The following PGGHG variants were observed in gnomAD, a reference collection of about 807,000 sequenced individuals.
PGGHG encodes ATH1, acid trehalase-like 1.
Under a neutral mutation model 74.5 loss-of-function variants are expected in PGGHG, and 67 were observed. The observed-to-expected ratio is 0.90, with a 90% confidence interval of 0.74 to 1.10. The LOEUF (loss-of-function observed/expected upper bound fraction) is 1.10. Ranked by LOEUF, PGGHG falls within the 50% of genes least tolerant of loss-of-function variation. The pLI is 0.00. For missense variants in PGGHG, 1,034 were observed against 981.5 expected, an observed-to-expected ratio of 1.05 and a Z score of -0.72; for synonymous variants, 496 against 419.9, an observed-to-expected ratio of 1.18 and a Z score of -2.21.
At chr11:291,176 G>A (rs1358155463) in intron 4 of PGGHG, 63 bp downstream of exon 4, 1 of 1,490,648 alleles carries the variant, frequency 6.7e-7, no homozygotes, top group Non-Finnish European at 9.0e-7. Context: ...CACGGTCTCT[G>A]CCCTCCCTGG....
rs1470638844 is a variant in PGGHG at position 289,698 on chromosome 11, C to A, written c.-13-106C>A. 2.4e-5 allele frequency: 33 copies of A among 1,376,090 alleles called. No individual in the cohort carries two copies. Among genetic ancestry groups the A allele is most frequent in the Non-Finnish European group, 3.1e-5 (32 of 1,042,706 alleles). The allele number at this position is 1,376,090 out of a possible 1,614,324, so 85.2% of individuals were successfully genotyped here. A position where few individuals can be genotyped will look rare whatever the true frequency, so the allele number is the denominator to read the frequency against. On this transcript the variant is annotated intron_variant, in intron 1 of 13. Coordinates refer to ENST00000409548, the MANE Select transcript of PGGHG (RefSeq NM_025092.5). The surrounding 1 kb of genome is among the most constrained non-coding windows in gnomAD (Gnocchi z 5.6). ...GAAAATCGGGGCTGCCCAGCTGGTT[C>A]CGCAACTCCCCCCAGTTCTGAGGGA...
In PGGHG at chr11:294,894, A is replaced by G. The variant is rs535831441; in HGVS notation, c.*145A>G. On this transcript the variant is annotated 3_prime_UTR_variant, in exon 14 of 14. Coordinates refer to ENST00000409548, the MANE Select transcript of PGGHG (RefSeq NM_025092.5). ...GGTCCATGCTGCTTGGCCTGAGTTC[A>G]AGGCTTTCTGCCTGTAGCCTGGACT... 3.9e-6 allele frequency: 4 copies of G among 1,028,678 alleles called. No homozygotes were observed. In the South Asian group the frequency reaches 5.7e-5, roughly 15 times the overall value. The allele number at this position is 1,028,678 out of a possible 1,614,324, so 63.7% of individuals were successfully genotyped here.
rs1173073344 is a variant in PGGHG, at chr11:294,604, C to A, written c.2069C>A (p.Pro690His). The change falls in exon 14 of 14, where the codon CCC becomes CAC. Residue 690 changes from proline to histidine, a missense_variant. Transcript: ENST00000409548. ...TCGGCTGGCCGGATACAAATGTCAC[C>A]CCCGAAGCTGCCTGGAAGTTCCAGC... ...PRSAGRIQMSPPKLPGSSSSE... is the reference protein window; with the variant it reads ...PRSAGRIQMSHPKLPGSSSSE... 1 of 1,481,978 alleles carries A rather than the reference C, an allele frequency of 6.7e-7. No homozygotes were observed. Among genetic ancestry groups the A allele is most frequent in the South Asian group, 1.3e-5 (1 of 79,872 alleles). 91.8% of individuals were successfully genotyped at this position (1,481,978 alleles called of 1,614,324 possible).
chr11:290,059 C>G lies in PGGHG; in HGVS notation c.243C>G (p.Ala81=), dbSNP rs981262238. The part of the protein sequence containing the change: ...GMGEQLTETF[A]LDTNTGSFLH... Reference sequence around the variant, plus strand: ...GGGAGCAGCTGACCGAGACCTTCGCCCTGGACACCAACACAGGTAGCGCCA... The same window carrying G: ...GGGAGCAGCTGACCGAGACCTTCGCGCTGGACACCAACACAGGTAGCGCCA... Residue 81 remains alanine, a synonymous_variant, in exon 2 of 14, where the codon GCC becomes GCG. Transcript: ENST00000409548. 11 of 1,536,060 alleles carry G rather than the reference C, an allele frequency of 7.2e-6. No homozygotes were observed. The African/African-American group carries it at 1.2e-4, about 17-fold the overall frequency.
In PGGHG at chr11:294,299, T is replaced by G; in HGVS notation, c.1841T>G (p.Val614Gly). 2 of 1,611,938 alleles carry G rather than the reference T, an allele frequency of 1.2e-6. No homozygotes were observed. The highest frequency in any genetic ancestry group is 1.7e-4 in the Middle Eastern group (1 of 6,054). ...CGAGCGGGTGTGACCTTTGACCCTGTGTGTCTGTCGGGGATCTCCAGAGTG... is the reference window on the plus strand; with the variant it reads ...CGAGCGGGTGTGACCTTTGACCCTGGGTGTCTGTCGGGGATCTCCAGAGTG... ...VTRAGVTFDPVCLSGISRVSV... is the reference protein window; with the variant it reads ...VTRAGVTFDPGCLSGISRVSV... The change falls in exon 13 of 14, where the codon GTG becomes GGG. Residue 614 changes from valine to glycine, a missense_variant. By Grantham distance (109) the Val-to-Gly change is moderately radical. Transcript: ENST00000409548.
rs750991727 is a variant in PGGHG, at chr11:294,161, C to T, written c.1773C>T (p.Phe591=). 3 of 1,612,770 alleles carry T rather than the reference C, an allele frequency of 1.9e-6. No homozygotes were observed. The highest frequency in any genetic ancestry group is 1.1e-5 in the South Asian group (1 of 90,888). The stretch of plus-strand genomic sequence containing the variant: ...ACTTCCTGACAGGCATGGGGGGCTT[C>T]CTGCAGGCGGTGGTCTTCGGGTGCA... ...AVNFLTGMGG[F]LQAVVFGCTG... is the part of the protein sequence containing the mutation. The change falls in exon 12 of 14, where the codon TTC becomes TTT. Residue 591 remains phenylalanine, a synonymous_variant. Coordinates refer to ENST00000409548, the MANE Select transcript of PGGHG (RefSeq NM_025092.5).
rs972044221 is a variant in PGGHG, at chr11:289,447, C to A, written c.-14+208C>A. ...CCCACCCTCCACACACGCCCGCCCC[C>A]ACGTGCCACCAACAGACGCAGGTCC... On this transcript the variant is annotated intron_variant, in intron 1 of 13. Coordinates refer to ENST00000409548, the MANE Select transcript of PGGHG (RefSeq NM_025092.5). This position sits in a 1 kb window ranked among gnomAD's most constrained non-coding sequence, Gnocchi z 5.6. 1 of 189,456 alleles carries A rather than the reference C, an allele frequency of 5.3e-6. No homozygotes were observed. Among genetic ancestry groups the A allele is most frequent in the African/African-American group, 2.4e-5 (1 of 42,468 alleles). 11.7% of individuals were successfully genotyped at this position (189,456 alleles called of 1,614,324 possible). A position where few individuals can be genotyped will look rare whatever the true frequency, so the allele number is the denominator to read the frequency against.
rs773541695 is a variant in PGGHG, at chr11:292,855, C to T, written c.1159-31C>T. The T allele has an allele frequency of 2.5e-6, 4 of 1,613,356 alleles. No individual in the cohort carries two copies. In the East Asian group the frequency reaches 8.9e-5, roughly 36 times the overall value. Reference sequence around the variant, plus strand: ...CACTAGGAATGAGAGTGACTGGGGCCCTGGCCTCTGTGCCTCCTCCTGCTC... The same window carrying T: ...CACTAGGAATGAGAGTGACTGGGGCTCTGGCCTCTGTGCCTCCTCCTGCTC... On this transcript the variant is annotated intron_variant, in intron 6 of 13. Coordinates refer to ENST00000409548, the MANE Select transcript of PGGHG (RefSeq NM_025092.5).
intron 6 of PGGHG, 82 bp from the exon 7 acceptor site, chr11:292,804 G>A: frequency 6.2e-7 from 1 of 1,609,114 alleles, no homozygotes; most frequent in Non-Finnish European, 8.5e-7. Context: ...CTCAATGCCA[G>A]GCCTTGCTTC....
intron 6 of PGGHG, 102 bp downstream of exon 6, chr11:292,779 G>C (rs913463388): frequency 1.2e-6 from 2 of 1,606,646 alleles, no homozygotes; most frequent in African/African-American, 2.7e-5. Context: ...TGGGAAGCTG[G>C]CTGAGGACAG....
chr11:294,902 C>T lies in PGGHG; in HGVS notation c.*153C>T. On this transcript the variant is annotated 3_prime_UTR_variant, in exon 14 of 14. Coordinates refer to ENST00000409548, the MANE Select transcript of PGGHG (RefSeq NM_025092.5). ...CTGCTTGGCCTGAGTTCAAGGCTTTCTGCCTGTAGCCTGGACTCCCGTGGA... is the reference window on the plus strand; with the variant it reads ...CTGCTTGGCCTGAGTTCAAGGCTTTTTGCCTGTAGCCTGGACTCCCGTGGA... 1 of 959,596 alleles carries T rather than the reference C, an allele frequency of 1.0e-6. No homozygotes were observed. Among genetic ancestry groups the T allele is most frequent in the African/African-American group, 1.7e-5 (1 of 60,282 alleles). 59.4% of individuals were successfully genotyped at this position (959,596 alleles called of 1,614,324 possible). A position where few individuals can be genotyped will look rare whatever the true frequency, so the allele number is the denominator to read the frequency against.
In PGGHG at chr11:293,480, G is replaced by A. The variant is rs367946981; in HGVS notation, c.1458G>A (p.Pro486=). The change falls in exon 9 of 14, where the codon CCG becomes CCA. Residue 486 remains proline, a synonymous_variant. Transcript: ENST00000409548. ...VPFDVEQNFH[P]EFDGYEPGEV... is the part of the protein sequence containing the mutation. The stretch of plus-strand genomic sequence containing the variant: ...TTGACGTGGAGCAGAACTTCCACCC[G>A]GAGTTCGATGGGTATGAGCCTGGTG... 27 of 1,611,336 alleles carry A rather than the reference G, an allele frequency of 1.7e-5. No individual in the cohort carries two copies. Among genetic ancestry groups the A allele is most frequent in the Middle Eastern group, 1.6e-4 (1 of 6,084 alleles).
At chr11:294,044 C>T in intron 11 of PGGHG, 55 bp from the exon 12 acceptor site, 1 of 1,580,670 alleles carries the variant, frequency 6.3e-7, no homozygotes, top group Non-Finnish European at 8.6e-7. Flanking sequence ...GGGACAGCAG[C>T]CCAGAGAGGA....
Position 290,433 on chromosome 11 carries a change from C to G in PGGHG, c.303C>G (p.Ser101=), listed in dbSNP as rs760791222. The G allele has an allele frequency of 1.2e-5, 19 of 1,548,800 alleles. No individual in the cohort carries two copies. The South Asian group carries it at 2.1e-4, about 17-fold the overall frequency. ...HTLEGPRFRA[S]QCIYAHRTLP... ...TGGAGGGCCCCCGCTTCCGGGCCTCCCAGTGCATCTATGCGCATCGCACGC... is the reference window on the plus strand; with the variant it reads ...TGGAGGGCCCCCGCTTCCGGGCCTCGCAGTGCATCTATGCGCATCGCACGC... The change falls in exon 3 of 14, where the codon TCC becomes TCG. Residue 101 remains serine (S), a synonymous_variant. Coordinates refer to ENST00000409548, the MANE Select transcript of PGGHG (RefSeq NM_025092.5).
Position 292,901 on chromosome 11 carries a change from C to G in PGGHG, c.1174C>G (p.Arg392Gly). The change falls in exon 7 of 14, where the codon CGA becomes GGA. Residue 392 changes from arginine (R) to glycine (G), a missense_variant. Transcript: ENST00000409548. ...TGCTCCCCAGGACCTGCAGCTATTT[C>G]GAGAGGCTGGTGGCTGGGACGTGGT... ...YHTTQDLQLF[R>G]EAGGWDVVRA... 1 of 1,614,080 alleles carries G rather than the reference C, an allele frequency of 6.2e-7. No individual in the cohort carries two copies. The highest frequency in any genetic ancestry group is 8.5e-7 in the Non-Finnish European group (1 of 1,179,998).
chr11:293,060 A>C (rs747653005), intron 7 of PGGHG, 63 bp downstream of exon 7: 2 of 1,613,638 alleles, frequency 1.2e-6, no homozygotes, highest in Non-Finnish European at 1.7e-6. Flanking sequence ...TCAGCAGATG[A>C]TTTTCAGACA....
chr11:290,624 G>A, intron 3 of PGGHG, 24 bp downstream of exon 3: 1 of 1,597,584 alleles, frequency 6.3e-7, no homozygotes, highest in South Asian at 1.1e-5. Flanking sequence ...TGGATTTGCA[G>A]CCAGGGAGTC....
Position 295,173 on chromosome 11 carries a change from C to T in PGGHG, c.*424C>T, listed in dbSNP as rs894873311. On this transcript the variant is annotated 3_prime_UTR_variant, in exon 14 of 14. Transcript: ENST00000409548. ...CAGCGTGGACAGCAGGGATAAGGGG[C>T]ACGAAGGACGGGGACTCGGCCCCTT... is the stretch of plus-strand genomic sequence containing the variant. 18 of 162,756 alleles carry T rather than the reference C, an allele frequency of 1.1e-4. No homozygotes were observed. The highest frequency in any genetic ancestry group is 6.4e-5 in the Admixed American group (1 of 15,558). The allele number at this position is 162,756 out of a possible 1,614,324, so 10.1% of individuals were successfully genotyped here. A position where few individuals can be genotyped will look rare whatever the true frequency, so the allele number is the denominator to read the frequency against.
At position 290,900 on chromosome 11, in the gene PGGHG, C is replaced by A; in HGVS notation, c.693C>A (p.His231Gln). 6.2e-7 allele frequency: 1 copy of A among 1,611,950 alleles called. No homozygotes were observed. The highest frequency in any genetic ancestry group is 8.5e-7 in the Non-Finnish European group (1 of 1,179,426). The part of the protein sequence containing the change: ...LQARGALYTA[H>Q]AQAWAQLWVE... ...CCAGGGGAGCTCTGTATACGGCTCA[C>A]GCACAGGCCTGGGCCCAGCTCTGGG... is the stretch of plus-strand genomic sequence containing the variant. The change falls in exon 4 of 14, where the codon CAC (histidine) becomes CAA (glutamine). Residue 231 changes from histidine to glutamine, a missense_variant. Transcript: ENST00000409548.
Sources: gnomAD v4.1 joint callset for allele counts on GRCh38, gnomAD v4.1.1 for gene constraint, Gnocchi (gnomAD v3.1) non-coding constraint, MANE v1.5 for transcripts, NCBI Gene and HGNC (gene_info 2026-07-23, HGNC 2026-07-21) for gene names.